The following MAP3K21 variants were observed in gnomAD, a reference collection of about 807,000 sequenced individuals.
MAP3K21 encodes the protein mitogen-activated protein kinase kinase kinase 21.
A neutral mutation model predicts 86.1 loss-of-function variants in MAP3K21; 63 were observed. That is an observed-to-expected ratio of 0.73 (90% CI 0.60 to 0.90). The LOEUF (loss-of-function observed/expected upper bound fraction) is 0.90, where lower values mean the gene tolerates loss of function less well. MAP3K21 is among the 40% of genes least tolerant of loss of function. MAP3K21 has a pLI of 0.00. For synonymous variants in MAP3K21, 558 were observed against 564.8 expected (o/e 0.99, Z 0.17); for missense variants, 1,220 against 1,367.7 (o/e 0.89, Z 1.70).
chr1:233,371,721 C>T (rs1489946238), intron 5 of MAP3K21, among the ~76,000 whole-genome samples: 1 of 150,258 alleles, frequency 6.7e-6, no homozygotes, highest in Non-Finnish European at 1.5e-5. Context: ...ATAAATTCTT[C>T]AATGATTCGT....
chr1:233,336,503 T>C (rs1662917279), intron 1 of MAP3K21, among the ~76,000 whole-genome samples: 1 of 151,686 alleles, frequency 6.6e-6, no homozygotes, highest in Non-Finnish European at 1.5e-5. Context: ...ATTGTGCCAC[T>C]GCACTCCAGC....
Position 233,356,588 on chromosome 1 carries a change from G to A in MAP3K21, c.1311+1577G>A, listed in dbSNP as rs1315957971. On this transcript the variant is annotated intron_variant, in intron 4 of 9. Transcript: ENST00000366624. Reference sequence around the variant, plus strand: ...CATATGACTCAGCTGTTCCACTTCCGCTTACAGATTCTTCAGAAACTCACA... The same window carrying A: ...CATATGACTCAGCTGTTCCACTTCCACTTACAGATTCTTCAGAAACTCACA... Among the ~76,000 whole-genome samples, 3 of 152,160 alleles carry A rather than the reference G, an allele frequency of 2.0e-5. No individual in the cohort carries two copies. In the East Asian group the frequency reaches 5.8e-4, roughly 29 times the overall value.
At position 233,328,725 on chromosome 1, in the gene MAP3K21, C is replaced by T. The variant is rs566862424; in HGVS notation, c.697C>T (p.Pro233Ser). The change falls in exon 1 of 10, where the codon CCT (proline) becomes TCT (serine). Residue 233 changes from proline (P) to serine (S), a missense_variant. This residue lies in a region of MAP3K21 where 369 missense variants were observed against 385.3 expected (regional missense o/e 0.96). Transcript: ENST00000366624. The surrounding 1 kb of genome is among the most constrained non-coding windows in gnomAD (Gnocchi z 8.7). Reference protein sequence around the residue: ...APGPRRARRIPPHVLVNWAVQ... With the variant: ...APGPRRARRISPHVLVNWAVQ... ...CGGCCCCCGCCGCGCGCGCCGCATC[C>T]CTCCGCACGTGCTGGTCAACTGGGC... 3.5e-6 allele frequency: 5 copies of T among 1,431,160 alleles called. No individual in the cohort carries two copies. Among genetic ancestry groups the T allele is most frequent in the East Asian group, 3.0e-5 (1 of 32,796 alleles). The allele number at this position is 1,431,160 out of a possible 1,614,324, so 88.7% of individuals were successfully genotyped here.
At chr1:233,338,727 T>C (rs999341844) in intron 1 of MAP3K21, among the ~76,000 whole-genome samples, 1 of 152,168 alleles carries the variant, frequency 6.6e-6, no homozygotes, top group African/African-American at 2.4e-5. Flanking sequence ...GAAGCAGGGA[T>C]CCCTCAGACT....
chr1:233,349,676 T>C (rs1196316102), intron 2 of MAP3K21, among the ~76,000 whole-genome samples: 1 of 152,200 alleles, frequency 6.6e-6, no homozygotes, highest in African/African-American at 2.4e-5. Flanking sequence ...TGGTGGCTCA[T>C]GCCTGTAATC....
chr1:233,340,286 C>G (rs1359124729), intron 1 of MAP3K21, among the ~76,000 whole-genome samples: 2 of 152,140 alleles, frequency 1.3e-5, no homozygotes, highest in Non-Finnish European at 2.9e-5. Flanking sequence ...ACTAAGAGCT[C>G]AGTGCTGGTG....
In MAP3K21 at chr1:233,328,368, A is replaced by G. The variant is rs531396904; in HGVS notation, c.340A>G (p.Ser114Gly). 2 of 1,477,028 alleles carry G rather than the reference A, an allele frequency of 1.4e-6. No homozygotes were observed. Among genetic ancestry groups the G allele is most frequent in the Non-Finnish European group, 1.8e-6 (2 of 1,122,192 alleles). 91.5% of individuals were successfully genotyped at this position (1,477,028 alleles called of 1,614,324 possible). The change falls in exon 1 of 10, where the codon AGC becomes GGC. Residue 114 changes from serine (S) to glycine (G), a missense_variant. Ser to Gly is a moderately conservative substitution (Grantham distance 56). Coordinates refer to ENST00000366624, the MANE Select transcript of MAP3K21 (RefSeq NM_032435.3). This position sits in a 1 kb window ranked among gnomAD's most constrained non-coding sequence, Gnocchi z 8.7. ...ASPAPPPSRPSSPVHVAFERL... is the reference protein window; with the variant it reads ...ASPAPPPSRPGSPVHVAFERL... ...CCCCGCGCCGCCGCCCTCGCGGCCC[A>G]GCTCCCCGGTACACGTCGCCTTCGA... is the stretch of plus-strand genomic sequence containing the variant.
chr1:233,378,213 TTTAA>T (rs1259533090), intron 8 of MAP3K21, among the ~76,000 whole-genome samples: 1 of 152,232 alleles, frequency 6.6e-6, no homozygotes, highest in Non-Finnish European at 1.5e-5. Flanking sequence ...GAGTTTGTTG[TTTAA>T]TTATGCGCTG....
Position 233,328,819 on chromosome 1 carries a change from T to A in MAP3K21, c.791T>A (p.Leu264His). 6.5e-7 allele frequency: 1 copy of A among 1,527,916 alleles called. No individual in the cohort carries two copies. 94.6% of individuals were successfully genotyped at this position (1,527,916 alleles called of 1,614,324 possible). The change falls in exon 1 of 10, where the codon CTC becomes CAC. Residue 264 changes from leucine to histidine, a missense_variant. Coordinates refer to ENST00000366624, the MANE Select transcript of MAP3K21 (RefSeq NM_032435.3). The surrounding 1 kb of genome is among the most constrained non-coding windows in gnomAD (Gnocchi z 8.7). ...TTCGTGCCCATCCTGCACCGGGACCTCAAGTCCAGCAACAGTAAGTGGGGC... is the reference window on the plus strand; with the variant it reads ...TTCGTGCCCATCCTGCACCGGGACCACAAGTCCAGCAACAGTAAGTGGGGC... ...EAFVPILHRD[L>H]KSSNILLLEK...
intron 8 of MAP3K21, among the ~76,000 whole-genome samples, chr1:233,378,314 C>G (rs1242620603): frequency 6.6e-6 from 1 of 152,160 alleles, no homozygotes. Context: ...GGAGAATCTT[C>G]TATTTTAATG....
At chr1:233,333,815 A>C (rs1294296) in intron 1 of MAP3K21, among the ~76,000 whole-genome samples, 119,836 of 152,168 alleles carry the variant, frequency 0.79, 47,385 homozygotes, top group East Asian at 0.99. Flanking sequence ...TTTAAGTGCT[A>C]AACCTACCAG....
intron 1 of MAP3K21, among the ~76,000 whole-genome samples, chr1:233,335,828 T>C (rs927522463): frequency 4.6e-5 from 7 of 152,254 alleles, no homozygotes; most frequent in Non-Finnish European, 2.9e-5. Context: ...GCATTTGTAA[T>C]GGGAAAACCC....
rs969625131 is a variant in MAP3K21 at position 233,328,657 on chromosome 1, G to C, written c.629G>C (p.Arg210Pro). The change falls in exon 1 of 10, where the codon CGA becomes CCA. Residue 210 changes from arginine (R) to proline (P), a missense_variant. Arg to Pro is a moderately radical substitution (Grantham distance 103, BLOSUM62 -2). Coordinates refer to ENST00000366624, the MANE Select transcript of MAP3K21 (RefSeq NM_032435.3). This position sits in a 1 kb window ranked among gnomAD's most constrained non-coding sequence, Gnocchi z 8.7. ...TTCGCCCGCGGCGGAGCGCTCAACCGAGCGCTGGCCGCTGCCAACGCCGCC... is the reference window on the plus strand; with the variant it reads ...TTCGCCCGCGGCGGAGCGCTCAACCCAGCGCTGGCCGCTGCCAACGCCGCC... ...LEFARGGALN[R>P]ALAAANAAPD... 1 of 1,365,454 alleles carries C rather than the reference G, an allele frequency of 7.3e-7. No individual in the cohort carries two copies. The highest frequency in any genetic ancestry group is 3.1e-5 in the East Asian group (1 of 32,260). The allele number at this position is 1,365,454 out of a possible 1,614,324, so 84.6% of individuals were successfully genotyped here.
intron 4 of MAP3K21, among the ~76,000 whole-genome samples, chr1:233,360,928 G>C (rs1404107268): frequency 6.6e-6 from 1 of 152,212 alleles, no homozygotes; most frequent in Non-Finnish European, 1.5e-5. Context: ...CACTCCACCT[G>C]AGAAGGCATC....
In MAP3K21 at chr1:233,355,011, G is replaced by C; in HGVS notation, c.1311G>C (p.Lys437Asn). 1.2e-6 allele frequency: 2 copies of C among 1,606,212 alleles called. No homozygotes were observed. Among genetic ancestry groups the C allele is most frequent in the African/African-American group, 2.7e-5 (2 of 74,650 alleles). The change falls in exon 4 of 10, where the codon AAG (lysine) becomes AAC (asparagine). Residue 437 changes from lysine (K) to asparagine (N), a missense_variant and splice_region_variant. Lys to Asn is a moderately conservative substitution (Grantham distance 94). Transcript: ENST00000366624. The part of the protein sequence containing the change: ...QMFDELRTKE[K>N]ELRSREEELT... ...TTGATGAGTTGAGAACAAAGGAAAA[G>C]GTGAGAGAAATTTTTAAACAGCATA...
At chr1:233,332,431 C>T (rs1294305) in intron 1 of MAP3K21, among the ~76,000 whole-genome samples, 118,035 of 151,776 alleles carry the variant, frequency 0.78, 46,157 homozygotes, top group East Asian at 0.99. Context: ...ATGAGCCTTC[C>T]ATATTGGAGG....
At chr1:233,335,720 A>G (rs1662899191) in intron 1 of MAP3K21, among the ~76,000 whole-genome samples, 1 of 152,218 alleles carries the variant, frequency 6.6e-6, no homozygotes, top group Non-Finnish European at 1.5e-5. Flanking sequence ...TTTGGTTTAT[A>G]GCAATTAATA....
chr1:233,329,511 C>A, intron 1 of MAP3K21, among the ~76,000 whole-genome samples: 1 of 151,980 alleles, frequency 6.6e-6, no homozygotes, highest in African/African-American at 2.4e-5. Flanking sequence ...AAAATTAGCC[C>A]GGCGTAGTGG....
At chr1:233,333,885 A>G (rs753740346) in intron 1 of MAP3K21, among the ~76,000 whole-genome samples, 9 of 152,246 alleles carry the variant, frequency 5.9e-5, no homozygotes, top group Non-Finnish European at 1.2e-4. Context: ...TTTTTTTGAG[A>G]CGGAGTCTCG....
Sources: gnomAD v4.1 joint callset for allele counts (sites outside exome capture counted in the v4.1 genomes callset) on GRCh38, gnomAD v4.1.1 for gene constraint, gnomAD v4.1.1 regional missense constraint, Gnocchi (gnomAD v3.1) non-coding constraint, MANE v1.5 for transcripts, NCBI Gene and HGNC (gene_info 2026-07-23, HGNC 2026-07-21) for gene names.